MYO16: variants seen among roughly 807,000 people sequenced by gnomAD.
MYO16 encodes unconventional myosin-XVI.
MYO16 carries 94 observed loss-of-function variants against 205.3 expected under a neutral mutation model. That is an observed-to-expected ratio of 0.46 (90% CI 0.39 to 0.54). The LOEUF (loss-of-function observed/expected upper bound fraction) is 0.54. MYO16 is among the 20% of genes least tolerant of loss of function. The pLI is 0.00. For missense variants in MYO16, 2,315 were observed against 2,387.5 expected, an observed-to-expected ratio of 0.97 and a Z score of 0.63; for synonymous variants, 988 against 954.0, an observed-to-expected ratio of 1.04 and a Z score of -0.66.
chr13:108,537,673 T>C, the MYO16 span, among the ~76,000 whole-genome samples: 1 of 152,062 alleles, frequency 6.6e-6, no homozygotes, highest in African/African-American at 2.4e-5. Context: ...TTTTTTGTTT[T>C]TTGTTTTTGA....
At chr13:108,855,595 G>C (rs778201153) in intron 11 of MYO16, 42 bp downstream of exon 11, 1 of 1,374,710 alleles carries the variant, frequency 7.3e-7, no homozygotes, top group South Asian at 1.3e-5. Flanking sequence ...TTTTTCTCTT[G>C]CTGCATATTT....
At chr13:108,524,668 C>T in the MYO16 span, among the ~76,000 whole-genome samples, 1 of 152,168 alleles carries the variant, frequency 6.6e-6, no homozygotes, top group African/African-American at 2.4e-5. Flanking sequence ...AACACCTTCA[C>T]CTTTGCCTTA....
At chr13:108,933,433 A>G (rs1027817933) in intron 16 of MYO16, among the ~76,000 whole-genome samples, 3 of 152,136 alleles carry the variant, frequency 2.0e-5, no homozygotes, top group Non-Finnish European at 4.4e-5. Flanking sequence ...AGTCCAGAGT[A>G]TACAGTGGAC....
At position 109,185,398 on chromosome 13, in the gene MYO16, TA is replaced by T. The variant is rs539966453; in HGVS notation, c.5415+5777del. ...TGCTGCCTGGAATACTGTAGGTGCT[TA>T]AAAAAAAAAAAGCTAAAAGCTTACT... On this transcript the variant is annotated intron_variant, in intron 34 of 34. Coordinates refer to ENST00000457511, the MANE Select transcript of MYO16 (RefSeq NM_001198950.3). Among the ~76,000 whole-genome samples the T allele has an allele frequency of 2.4e-3, 355 of 148,686 alleles. 2 individuals carry two copies. Among genetic ancestry groups the T allele is most frequent in the African/African-American group, 4.8e-3 (196 of 40,966 alleles).
the MYO16 span, among the ~76,000 whole-genome samples, chr13:108,540,656 T>C: frequency 2.0e-5 from 3 of 152,146 alleles, no homozygotes; most frequent in South Asian, 6.2e-4. Context: ...TAATTTTTGC[T>C]GGAGTATAAG....
Position 109,164,946 on chromosome 13 carries a change from C to A in MYO16, c.5210C>A (p.Thr1737Lys). ...MNISSRDDPS[T>K]SEITSETQDR... The stretch of plus-strand genomic sequence containing the variant: ...ATAAGTAGCCGAGATGACCCTAGTA[C>A]GTCAGAAATTACTTCCGAGACTCAA... Residue 1737 changes from threonine (T) to lysine (K), a missense_variant, in exon 33 of 35, where the codon ACG (threonine) becomes AAG (lysine). Physicochemically the swap from Thr to Lys is moderately conservative, Grantham distance 78. Coordinates refer to ENST00000457511, the MANE Select transcript of MYO16 (RefSeq NM_001198950.3). The A allele has an allele frequency of 6.2e-7, 1 of 1,606,258 alleles. No individual in the cohort carries two copies. Among genetic ancestry groups the A allele is most frequent in the Non-Finnish European group, 8.5e-7 (1 of 1,176,098 alleles).
chr13:109,092,147 T>C (rs1888643115), intron 27 of MYO16, among the ~76,000 whole-genome samples: 1 of 152,234 alleles, frequency 6.6e-6, no homozygotes, highest in African/African-American at 2.4e-5. Flanking sequence ...AAAATTTTCC[T>C]TGAGAATGAA....
At chr13:108,637,508 GTA>G (rs937905780) in intron 1 of MYO16, among the ~76,000 whole-genome samples, 12 of 152,114 alleles carry the variant, frequency 7.9e-5, no homozygotes. Context: ...TTTAATTCAT[GTA>G]TTTATTATTC....
intron 31 of MYO16, among the ~76,000 whole-genome samples, chr13:109,131,653 G>A (rs897183266): frequency 6.6e-6 from 1 of 152,174 alleles, no homozygotes; most frequent in African/African-American, 2.4e-5. Context: ...TTAGGTCAGT[G>A]CAAAAGGAAT....
At chr13:108,591,426 A>G (rs138858828), upstream of MYO16, among the ~76,000 whole-genome samples, 919 of 142,656 alleles carry the variant, frequency 6.4e-3, 13 homozygotes, top group African/African-American at 0.023. Context: ...CAAAATATTA[A>G]TTCACTTGCT....
intron 27 of MYO16, among the ~76,000 whole-genome samples, chr13:109,064,331 G>C (rs1284515402): frequency 6.6e-6 from 1 of 152,120 alleles, no homozygotes; most frequent in Non-Finnish European, 1.5e-5. Context: ...CACCCTTCCT[G>C]CCTCTGCATC....
At chr13:108,633,639 G>C (rs1284306100) in intron 1 of MYO16, among the ~76,000 whole-genome samples, 1 of 152,106 alleles carries the variant, frequency 6.6e-6, no homozygotes, top group African/African-American at 2.4e-5. Context: ...ACACACCCAG[G>C]AACAATACTT....
chr13:108,530,792 A>G, the MYO16 span, among the ~76,000 whole-genome samples: 15 of 152,306 alleles, frequency 9.8e-5, no homozygotes, highest in Admixed American at 2.6e-4. Context: ...TATTATCACT[A>G]TATTTCCTAT....
At chr13:108,600,239 C>T (rs1332706606) in intron 1 of MYO16, among the ~76,000 whole-genome samples, 6 of 152,152 alleles carry the variant, frequency 3.9e-5, no homozygotes, top group African/African-American at 1.4e-4. Context: ...TTATGTCAGA[C>T]AAAACTGCTT....
the MYO16 span, among the ~76,000 whole-genome samples, chr13:108,540,940 C>A: frequency 1.3e-5 from 2 of 152,050 alleles, no homozygotes; most frequent in African/African-American, 4.8e-5. Flanking sequence ...AATTATAAAA[C>A]TTTATTATAT....
chr13:108,555,195 G>A, the MYO16 span, among the ~76,000 whole-genome samples: 4 of 152,160 alleles, frequency 2.6e-5, no homozygotes, highest in African/African-American at 9.7e-5. Flanking sequence ...AGAAAGTAAA[G>A]CGTCACAGGC....
the MYO16 span, among the ~76,000 whole-genome samples, chr13:108,525,310 A>G: frequency 6.6e-6 from 1 of 152,230 alleles, no homozygotes; most frequent in Admixed American, 6.5e-5. Flanking sequence ...AGCTCTCCCC[A>G]GTTTGAAGTG....
At chr13:108,611,972 C>CTTTT (rs201871787) in intron 1 of MYO16, among the ~76,000 whole-genome samples, 68 of 89,768 alleles carry the variant, frequency 7.6e-4, no homozygotes, top group African/African-American at 1.1e-3. Flanking sequence ...TTTTTTTTTT[C>CTTTT]TTTTTTTTTT....
intron 1 of MYO16, among the ~76,000 whole-genome samples, chr13:108,634,362 T>C (rs1050611974): frequency 6.6e-6 from 1 of 152,336 alleles, no homozygotes; most frequent in Admixed American, 6.5e-5. Flanking sequence ...CTTGCAATTC[T>C]GTCTCCTTCT....
Sources: gnomAD v4.1 joint callset for allele counts (sites outside exome capture counted in the v4.1 genomes callset) on GRCh38, gnomAD v4.1.1 for gene constraint, MANE v1.5 for transcripts, NCBI Gene and HGNC (gene_info 2026-07-23, HGNC 2026-07-21) for gene names.